MPP7: variants seen among roughly 807,000 people sequenced by gnomAD.
MPP7 encodes MAGUK p55 subfamily member 7.
A neutral mutation model predicts 76.5 loss-of-function variants in MPP7; 60 were observed. The ratio of observed to expected loss-of-function variants is 0.78; its 90% CI spans 0.64 to 0.97. The LOEUF (loss-of-function observed/expected upper bound fraction) is 0.97, where lower values mean the gene tolerates loss of function less well. Among genes scored for constraint, MPP7 ranks in the 50% least tolerant of loss-of-function variants. The probability of loss-of-function intolerance (pLI) is 0.00; values close to 1 mark genes in which losing one functional copy is unlikely to be tolerated. For synonymous variants in MPP7, 237 were observed against 244.5 expected, an observed-to-expected ratio of 0.97 and a Z score of 0.29; for missense variants, 641 against 694.0, an observed-to-expected ratio of 0.92 and a Z score of 0.86.
At chr10:28,323,381 A>T (rs1349701735) in intron 2 of MPP7, among the ~76,000 whole-genome samples, 1 of 151,826 alleles carries the variant, frequency 6.6e-6, no homozygotes, top group Non-Finnish European at 1.5e-5. Context: ...TGAGCCTAGG[A>T]GTTGGAGGCT....
intron 5 of MPP7, among the ~76,000 whole-genome samples, chr10:28,135,290 G>A (rs1835319831): frequency 6.6e-6 from 1 of 152,150 alleles, no homozygotes; most frequent in Non-Finnish European, 1.5e-5. Context: ...ACAGAATTTG[G>A]GAGATCTGTA....
At chr10:28,208,855 CCTCTAAGT>C (rs1477548013) in intron 2 of MPP7, among the ~76,000 whole-genome samples, 9 of 152,122 alleles carry the variant, frequency 5.9e-5, no homozygotes, top group African/African-American at 1.9e-4. Flanking sequence ...GTATGTGTCC[CCTCTAAGT>C]CTCATGTTGA....
At chr10:28,262,192 T>TATATATATATATACAC (rs1564741065) in intron 1 of MPP7, among the ~76,000 whole-genome samples, 1 of 19,106 alleles carries the variant, frequency 5.2e-5, no homozygotes, top group Non-Finnish European at 1.2e-4. Flanking sequence ...AAATTATATA[T>TATATATATATATACAC]ATATATATAT....
intron 1 of MPP7, among the ~76,000 whole-genome samples, chr10:28,332,524 T>C (rs181505295): frequency 4.3e-4 from 65 of 152,280 alleles, no homozygotes; most frequent in South Asian, 1.4e-3. Flanking sequence ...CTGTTAGAAA[T>C]AGGTATAGTT....
At chr10:28,290,374 G>A (rs1461910742) in intron 1 of MPP7, among the ~76,000 whole-genome samples, 1 of 145,486 alleles carries the variant, frequency 6.9e-6, no homozygotes, top group East Asian at 2.1e-4. Flanking sequence ...GAAACTTCTT[G>A]AACTTCTTAC....
chr10:28,304,292 T>A (rs1305505301), upstream of MPP7, among the ~76,000 whole-genome samples: 2 of 152,226 alleles, frequency 1.3e-5, no homozygotes, highest in African/African-American at 4.8e-5. Flanking sequence ...ACATTCTGTT[T>A]GTTCTTGTCA....
chr10:28,292,940 T>G (rs1390268868), intron 1 of MPP7, among the ~76,000 whole-genome samples: 4 of 151,236 alleles, frequency 2.6e-5, no homozygotes, highest in African/African-American at 9.7e-5. Flanking sequence ...GGTTATTTAG[T>G]AAATGAGATT....
chr10:28,266,862 T>C (rs1392820424), intron 1 of MPP7, among the ~76,000 whole-genome samples: 1 of 152,222 alleles, frequency 6.6e-6, no homozygotes, highest in Non-Finnish European at 1.5e-5. Flanking sequence ...TGTCTCTAGT[T>C]TCCAGTGCAT....
intron 2 of MPP7, among the ~76,000 whole-genome samples, chr10:28,312,338 G>A (rs150742630): frequency 6.6e-6 from 1 of 152,256 alleles, no homozygotes; most frequent in East Asian, 1.9e-4. Flanking sequence ...GCTGATTGGT[G>A]TGTTTTACAG....
chr10:28,303,289 A>C (rs1323926700), upstream of MPP7: 5 of 152,280 alleles, frequency 3.3e-5, no homozygotes, highest in African/African-American at 1.2e-4. Context: ...CAGTCCCCGC[A>C]AGTTCCACCC....
At chr10:28,118,062 A>C in intron 11 of MPP7, 1 of 965,050 alleles carries the variant, frequency 1.0e-6, no homozygotes, top group Non-Finnish European at 1.2e-6. Context: ...GTAAAGATAA[A>C]TGCTAGAATA....
At chr10:28,325,224 G>T (rs1229996326) in intron 2 of MPP7, among the ~76,000 whole-genome samples, 1 of 152,172 alleles carries the variant, frequency 6.6e-6, no homozygotes. Flanking sequence ...ACAGTATGTG[G>T]CTTAGCACAG....
chr10:28,069,673 A>T, intron 13 of MPP7, 99 bp downstream of exon 13: 1 of 1,016,134 alleles, frequency 9.8e-7, no homozygotes, highest in Middle Eastern at 3.3e-4. Flanking sequence ...GTACCCAAAA[A>T]ATTTTAAAAA....
chr10:28,065,580 G>A (rs548703967), intron 13 of MPP7, among the ~76,000 whole-genome samples: 1 of 152,130 alleles, frequency 6.6e-6, no homozygotes, highest in South Asian at 2.1e-4. Context: ...ACAGCTCACT[G>A]AGTACCCACT....
rs1255770533 is a variant in MPP7, at chr10:28,302,952, A to G, written c.-223T>C. The stretch of plus-strand genomic sequence containing the variant: ...CGGAGGCAAGGAGGCAGCGACCGCC[A>G]CCGCCGCAGAGGACAATCGGGAGCC... On this transcript the variant is annotated 5_prime_UTR_variant, in exon 1 of 17. Transcript: ENST00000683449. 6.6e-6 allele frequency among the ~76,000 whole-genome samples: 1 copy of G among 151,474 alleles called. No individual in the cohort carries two copies. The highest frequency in any genetic ancestry group is 1.5e-5 in the Non-Finnish European group (1 of 67,744).
intron 3 of MPP7, among the ~76,000 whole-genome samples, chr10:28,192,994 G>C (rs746554202): frequency 4.3e-4 from 66 of 152,234 alleles, no homozygotes; most frequent in Middle Eastern, 3.4e-3. Flanking sequence ...AAGGATCAAA[G>C]GCAATTCAAT....
At chr10:28,334,035 C>G (rs1445251306) in intron 1 of MPP7, among the ~76,000 whole-genome samples, 3 of 151,848 alleles carry the variant, frequency 2.0e-5, no homozygotes, top group Admixed American at 2.0e-4. Flanking sequence ...TCTAGTAAAA[C>G]AAAAAATACG....
chr10:28,089,554 A>C (rs1242652211), intron 12 of MPP7, 117 bp downstream of exon 12: 2 of 845,598 alleles, frequency 2.4e-6, no homozygotes, highest in Non-Finnish European at 3.6e-6. Context: ...ACAAGACAAA[A>C]GGTGTTGAAG....
Position 28,053,609 on chromosome 10 carries a change from GT to G in MPP7, c.*455del, listed in dbSNP as rs1376661590. The G allele has an allele frequency of 6.4e-6, 1 of 155,360 alleles. No individual in the cohort carries two copies. The highest frequency in any genetic ancestry group is 2.4e-5 in the African/African-American group (1 of 41,516). 9.6% of individuals were successfully genotyped at this position (155,360 alleles called of 1,614,324 possible). ...CCTTACTGCCTGCCCGGCTAAATCTGTGATGATCCACCCAGAAACAGCAGAG... is the reference window on the plus strand; with the variant it reads ...CCTTACTGCCTGCCCGGCTAAATCTGGATGATCCACCCAGAAACAGCAGAG... On this transcript the variant is annotated 3_prime_UTR_variant, in exon 17 of 17. Transcript: ENST00000683449.
Sources: gnomAD v4.1 joint callset for allele counts (sites outside exome capture counted in the v4.1 genomes callset) on GRCh38, gnomAD v4.1.1 for gene constraint, MANE v1.5 for transcripts, NCBI Gene and HGNC (gene_info 2026-07-23, HGNC 2026-07-21) for gene names.